Variants in TANK observed in about 807,000 individuals in gnomAD.
TANK encodes TRAF family member-associated NF-kappa-B activator.
TANK carries 15 observed loss-of-function variants against 43.6 expected under a neutral mutation model. The observed-to-expected ratio is 0.34, with a 90% CI of 0.23 to 0.53. TANK has a LOEUF of 0.53. TANK is among the 20% of genes least tolerant of loss of function. The pLI, the probability that TANK is intolerant of heterozygous loss-of-function variation, is 0.94. For missense variants in TANK, 417 were observed against 498.6 expected (o/e 0.84, Z 1.56); for synonymous variants, 162 against 178.2 (o/e 0.91, Z 0.73).
intron 2 of TANK, among the ~76,000 whole-genome samples, chr2:161,184,176 G>A (rs1685552776): frequency 1.3e-5 from 2 of 152,144 alleles, no homozygotes; most frequent in Admixed American, 1.3e-4. Flanking sequence ...AAAAGAACCT[G>A]TAAAGGTAGA....
intron 1 of TANK, among the ~76,000 whole-genome samples, chr2:161,144,581 AT>A (rs1683850044): frequency 6.6e-6 from 1 of 152,068 alleles, no homozygotes; most frequent in East Asian, 1.9e-4. Flanking sequence ...TCAGGAGCAC[AT>A]TGTTCAATTT....
intron 1 of TANK, among the ~76,000 whole-genome samples, chr2:161,165,603 T>C (rs1051945925): frequency 6.6e-6 from 1 of 152,240 alleles, no homozygotes; most frequent in African/African-American, 2.4e-5. Flanking sequence ...TTGTAATACA[T>C]GTTCCTTCCC....
chr2:161,175,439 C>T (rs1326050048), intron 1 of TANK, among the ~76,000 whole-genome samples: 1 of 152,144 alleles, frequency 6.6e-6, no homozygotes, highest in African/African-American at 2.4e-5. Flanking sequence ...GGTGAAAATA[C>T]TTTGTGAAAG....
At chr2:161,204,075 G>A (rs1429643060) in intron 3 of TANK, among the ~76,000 whole-genome samples, 1 of 152,106 alleles carries the variant, frequency 6.6e-6, no homozygotes, top group African/African-American at 2.4e-5. Context: ...GTATTAACTT[G>A]TAAGAATATG....
At chr2:161,160,195 T>C (rs1558964167), upstream of TANK, 3 of 385,790 alleles carry the variant, frequency 7.8e-6, no homozygotes, top group East Asian at 7.3e-5. Context: ...ACACTTGACA[T>C]AGGATTCTCT....
At position 161,233,009 on chromosome 2, in the gene TANK, AC is replaced by A. The variant is rs566694484; in HGVS notation, c.1101+1460del. The A allele has an allele frequency of 9.1e-4, 682 of 752,914 alleles. 4 individuals are homozygous for A. The African/African-American group carries it at 0.011, about 12-fold the overall frequency. The allele number at this position is 752,914 out of a possible 1,614,324, so 46.6% of individuals were successfully genotyped here. On this transcript the variant is annotated intron_variant, in intron 7 of 7. Transcript: ENST00000392749. ...TCTTAAAATGAGTTTTTTAAAAAAA[AC>A]CTTTTAAGCTATTTTATTAGTATTA...
chr2:161,211,771 G>C (rs550614178), intron 4 of TANK: 13 of 985,286 alleles, frequency 1.3e-5, no homozygotes, highest in Non-Finnish European at 1.6e-5. Flanking sequence ...AATGGCACAG[G>C]CCAATGTAGG....
At chr2:161,185,764 A>T (rs981252621) in intron 2 of TANK, among the ~76,000 whole-genome samples, 1 of 150,920 alleles carries the variant, frequency 6.6e-6, no homozygotes, top group Non-Finnish European at 1.5e-5. Flanking sequence ...CTAATGCCAG[A>T]TGACGAGTTA....
chr2:161,141,095 TA>T (rs1683734201), intron 1 of TANK, among the ~76,000 whole-genome samples: 1 of 152,160 alleles, frequency 6.6e-6, no homozygotes, highest in South Asian at 2.1e-4. Flanking sequence ...CTAATCATTT[TA>T]AAATGAACAA....
At chr2:161,152,616 T>C (rs1684110731) in intron 1 of TANK, among the ~76,000 whole-genome samples, 1 of 152,144 alleles carries the variant, frequency 6.6e-6, no homozygotes, top group Non-Finnish European at 1.5e-5. Flanking sequence ...AGAGTATCTG[T>C]ACAATGAAAT....
chr2:161,159,906 T>C (rs1322300757), upstream of TANK, among the ~76,000 whole-genome samples: 1 of 152,104 alleles, frequency 6.6e-6, no homozygotes, highest in African/African-American at 2.4e-5. Context: ...ACCAAATGGG[T>C]ATGTGTATAT....
At chr2:161,232,137 GTA>G (rs1345530827) in intron 7 of TANK, among the ~76,000 whole-genome samples, 2 of 152,092 alleles carry the variant, frequency 1.3e-5, no homozygotes, top group African/African-American at 4.8e-5. Context: ...CTCTGCATGT[GTA>G]TGATATCAAA....
chr2:161,177,786 G>T (rs1215173221), intron 1 of TANK, among the ~76,000 whole-genome samples: 1 of 152,066 alleles, frequency 6.6e-6, no homozygotes, highest in East Asian at 1.9e-4. Flanking sequence ...TTGGATAAGA[G>T]TCTAGTTTCT....
chr2:161,220,742 AAAT>A (rs1291709854), intron 4 of TANK, among the ~76,000 whole-genome samples: 1 of 152,238 alleles, frequency 6.6e-6, no homozygotes, highest in Non-Finnish European at 1.5e-5. Flanking sequence ...AAAAGGAATA[AAAT>A]AATTTCACTT....
intron 1 of TANK, among the ~76,000 whole-genome samples, chr2:161,166,804 A>C (rs1684702441): frequency 6.6e-6 from 1 of 152,132 alleles, no homozygotes; most frequent in East Asian, 1.9e-4. Flanking sequence ...TCAAAAAAAA[A>C]ACAAAAAACA....
At chr2:161,234,675 A>G (rs1381940675) in intron 7 of TANK, among the ~76,000 whole-genome samples, 1 of 152,262 alleles carries the variant, frequency 6.6e-6, no homozygotes, top group Non-Finnish European at 1.5e-5. Flanking sequence ...GAGTAAGGCC[A>G]AACTACCTAT....
intron 2 of TANK, among the ~76,000 whole-genome samples, chr2:161,195,842 T>G (rs1034837343): frequency 1.2e-4 from 19 of 152,132 alleles, no homozygotes; most frequent in African/African-American, 4.6e-4. Context: ...GCACTTTTTT[T>G]GGGAGGCCCA....
At chr2:161,228,243 C>T (rs1355257003) in intron 6 of TANK, among the ~76,000 whole-genome samples, 1 of 152,188 alleles carries the variant, frequency 6.6e-6, no homozygotes, top group Non-Finnish European at 1.5e-5. Context: ...CTTAAAAGTT[C>T]ATATCAGCCC....
chr2:161,200,425 AC>A (rs1477038998), intron 2 of TANK: 1 of 950,082 alleles, frequency 1.1e-6, no homozygotes, highest in African/African-American at 1.8e-5. Flanking sequence ...AAAAAAAAAG[AC>A]TAGTTTCATT....
Sources: gnomAD v4.1 joint callset for allele counts (sites outside exome capture counted in the v4.1 genomes callset) on GRCh38, gnomAD v4.1.1 for gene constraint, MANE v1.5 for transcripts, NCBI Gene and HGNC (gene_info 2026-07-23, HGNC 2026-07-21) for gene names.